The following CDCP1 variants were observed in gnomAD, a reference collection of about 807,000 sequenced individuals.
CDCP1 encodes CUB domain-containing protein 1.
CDCP1 carries 29 observed loss-of-function variants against 60.2 expected under a neutral mutation model. That is an observed-to-expected ratio of 0.48 (90% CI 0.36 to 0.66). The LOEUF (loss-of-function observed/expected upper bound fraction) is 0.66. Ranked by LOEUF, CDCP1 falls within the 30% of genes least tolerant of loss-of-function variation. CDCP1 has a pLI of 0.00. For missense variants in CDCP1, 876 were observed against 1,074.3 expected (o/e 0.82, Z 2.58); for synonymous variants, 387 against 431.1 (o/e 0.90, Z 1.27).
At chr3:45,103,006 A>G (rs1333996186) in intron 4 of CDCP1, among the ~76,000 whole-genome samples, 2 of 151,926 alleles carry the variant, frequency 1.3e-5, no homozygotes, top group Non-Finnish European at 2.9e-5. Flanking sequence ...AATAAAATAC[A>G]CAGATCTTAA....
In CDCP1 at chr3:45,142,483, T is replaced by C. The variant is rs573736010; in HGVS notation, c.82+3723A>G. Among the ~76,000 whole-genome samples the C allele has an allele frequency of 1.8e-4, 28 of 152,248 alleles. No individual in the cohort carries two copies. In the South Asian group the frequency reaches 5.8e-3, roughly 32 times the overall value. On this transcript the variant is annotated intron_variant, in intron 1 of 8. Transcript: ENST00000296129. Reference sequence around the variant, plus strand: ...CACTGTCCAGATTCTATTTGCCAAATTGGAGGGAGGAAAATGCTTCTTCCA... The same window carrying C: ...CACTGTCCAGATTCTATTTGCCAAACTGGAGGGAGGAAAATGCTTCTTCCA...
At chr3:45,131,122 C>T (rs1445300558) in intron 1 of CDCP1, among the ~76,000 whole-genome samples, 1 of 151,824 alleles carries the variant, frequency 6.6e-6, no homozygotes, top group Non-Finnish European at 1.5e-5. Context: ...TTAGCCTCCC[C>T]AAATGCTGGG....
At chr3:45,087,124 T>A (rs1165721298) in intron 8 of CDCP1, among the ~76,000 whole-genome samples, 8 of 152,234 alleles carry the variant, frequency 5.3e-5, no homozygotes, top group Non-Finnish European at 1.2e-4. Context: ...GCCTGTCTTT[T>A]CAGTCCCCCT....
intron 1 of CDCP1, among the ~76,000 whole-genome samples, chr3:45,126,477 A>C (rs1048640712): frequency 1.3e-5 from 2 of 152,084 alleles, no homozygotes; most frequent in African/African-American, 4.8e-5. Flanking sequence ...AGTGAGGCCT[A>C]AAGGCATAGA....
chr3:45,125,738 C>G (rs1342699406), intron 1 of CDCP1, among the ~76,000 whole-genome samples: 3 of 152,178 alleles, frequency 2.0e-5, no homozygotes, highest in Non-Finnish European at 4.4e-5. Flanking sequence ...ACTGAAGAGG[C>G]AAACCTTAAG....
At chr3:45,095,223 C>T (rs1233110358) in intron 5 of CDCP1, 124 bp downstream of exon 5, 9 of 845,636 alleles carry the variant, frequency 1.1e-5, no homozygotes, top group Admixed American at 2.3e-5. Context: ...CGTGAGCCAT[C>T]GTGCCCGGCC....
In CDCP1 at chr3:45,110,621, G is replaced by A. The variant is rs541313009; in HGVS notation, c.876C>T (p.Pro292=). The part of the protein sequence containing the change: ...EYYIPGSTTN[P]EVFKLEDKQP... ...GCTTGTCCTCCAGCTTGAACACCTC[G>A]GGGTTGGTGGTGGAGCCCGGGATGT... Residue 292 remains proline, a synonymous_variant, in exon 4 of 9, where the codon CCC becomes CCT. Coordinates refer to ENST00000296129, the MANE Select transcript of CDCP1 (RefSeq NM_022842.5). The A allele has an allele frequency of 5.3e-5, 85 of 1,614,198 alleles. No individual in the cohort carries two copies. The highest frequency in any genetic ancestry group is 6.6e-5 in the Non-Finnish European group (78 of 1,180,032).
At chr3:45,139,883 G>A (rs1172855823) in intron 1 of CDCP1, among the ~76,000 whole-genome samples, 2 of 152,176 alleles carry the variant, frequency 1.3e-5, no homozygotes, top group East Asian at 1.9e-4. Context: ...AAGAGATGCC[G>A]TGAGTCCTTC....
rs767848169 is a variant in CDCP1 at position 45,085,896 on chromosome 3, G to T, written c.2253C>A (p.Ser751Arg). Reference protein sequence around the residue: ...MVYGHLLQDSSGSFLQPEVDT... With the variant: ...MVYGHLLQDSRGSFLQPEVDT... ...CCACCTCTGGCTGCAGGAAGGAGCC[G>T]CTGGAATCCTGTAGCAGATGCCCAT... Residue 751 changes from serine (S) to arginine (R), a missense_variant, in exon 9 of 9, where the codon AGC becomes AGA. Ser to Arg is a moderately radical substitution (Grantham distance 110). This residue lies in a region of CDCP1 where 726 missense variants were observed against 935.7 expected (regional missense o/e 0.78). Coordinates refer to ENST00000296129, the MANE Select transcript of CDCP1 (RefSeq NM_022842.5). The surrounding 1 kb of genome is among the most constrained non-coding windows in gnomAD (Gnocchi z 4.2). The T allele has an allele frequency of 6.2e-7, 1 of 1,614,166 alleles. No individual in the cohort carries two copies. Among genetic ancestry groups the T allele is most frequent in the Admixed American group, 1.7e-5 (1 of 60,020 alleles).
At chr3:45,127,041 T>A (rs138090768) in intron 1 of CDCP1, among the ~76,000 whole-genome samples, 399 of 152,324 alleles carry the variant, frequency 2.6e-3, no homozygotes, top group African/African-American at 8.8e-3. Flanking sequence ...TTTCTGATGA[T>A]GGTGCGTTGT....
intron 1 of CDCP1, among the ~76,000 whole-genome samples, chr3:45,134,230 T>A (rs1699154704): frequency 6.6e-6 from 1 of 152,080 alleles, no homozygotes; most frequent in Non-Finnish European, 1.5e-5. Context: ...GTTCACATCA[T>A]TCTCCTGCCT....
Position 45,091,081 on chromosome 3 carries a change from T to G in CDCP1, c.1993+92A>C. 1 of 1,403,074 alleles carries G rather than the reference T, an allele frequency of 7.1e-7. No individual in the cohort carries two copies. The highest frequency in any genetic ancestry group is 9.7e-7 in the Non-Finnish European group (1 of 1,029,604). The allele number at this position is 1,403,074 out of a possible 1,614,324, so 86.9% of individuals were successfully genotyped here. Reference sequence around the variant, plus strand: ...ATACATGGACAGTCAGGACTCAATCTGTGATTCTGACTTGTCTCCAGGCTT... The same window carrying G: ...ATACATGGACAGTCAGGACTCAATCGGTGATTCTGACTTGTCTCCAGGCTT... On this transcript the variant is annotated intron_variant, in intron 7 of 8. Coordinates refer to ENST00000296129, the MANE Select transcript of CDCP1 (RefSeq NM_022842.5). The surrounding 1 kb of genome is among the most constrained non-coding windows in gnomAD (Gnocchi z 4.8).
chr3:45,126,227 C>T (rs201160499), intron 1 of CDCP1, among the ~76,000 whole-genome samples: 58 of 104,738 alleles, frequency 5.5e-4, no homozygotes, highest in Admixed American at 1.1e-3. Flanking sequence ...TCTTTCTTTC[C>T]TTCCTTTCTT....
At chr3:45,116,567 G>A (rs566141693) in intron 2 of CDCP1, among the ~76,000 whole-genome samples, 1 of 152,306 alleles carries the variant, frequency 6.6e-6, no homozygotes, top group African/African-American at 2.4e-5. Flanking sequence ...TAGCAGAGTT[G>A]AGGAGCTGTG....
At chr3:45,104,034 T>C (rs1352821306) in intron 4 of CDCP1, among the ~76,000 whole-genome samples, 1 of 152,258 alleles carries the variant, frequency 6.6e-6, no homozygotes, top group Non-Finnish European at 1.5e-5. Context: ...AGAGTTCTGT[T>C]GCCGTCCATT....
In CDCP1 at chr3:45,091,139, C is replaced by A. The variant is rs756988133; in HGVS notation, c.1993+34G>T. ...ATCCTCCAGCTGACAATTTTTTGTT[C>A]ATCACTGTCCCCAAAGACCCTGAAG... On this transcript the variant is annotated intron_variant, in intron 7 of 8. Coordinates refer to ENST00000296129, the MANE Select transcript of CDCP1 (RefSeq NM_022842.5). This position sits in a 1 kb window ranked among gnomAD's most constrained non-coding sequence, Gnocchi z 4.8. 6.3e-7 allele frequency: 1 copy of A among 1,576,684 alleles called. No individual in the cohort carries two copies. Among genetic ancestry groups the A allele is most frequent in the Non-Finnish European group, 8.6e-7 (1 of 1,159,962 alleles).
chr3:45,125,867 ATAGGCCC>A (rs1698972089), intron 1 of CDCP1, among the ~76,000 whole-genome samples: 1 of 152,206 alleles, frequency 6.6e-6, no homozygotes, highest in Admixed American at 6.5e-5. Context: ...TTGGCTATTA[ATAGGCCC>A]TTCTACATGT....
chr3:45,146,012 C>A (rs1430021122), intron 1 of CDCP1, among the ~76,000 whole-genome samples, 194 bp downstream of exon 1: 1 of 152,012 alleles, frequency 6.6e-6, no homozygotes, highest in Non-Finnish European at 1.5e-5. Context: ...ACGCGCCCGA[C>A]GCGGCGCGCG....
chr3:45,138,321 T>C (rs1275131203), intron 1 of CDCP1, among the ~76,000 whole-genome samples: 1 of 152,232 alleles, frequency 6.6e-6, no homozygotes, highest in East Asian at 1.9e-4. Flanking sequence ...TCGACTGCAC[T>C]GGGACAGTAA....
Sources: gnomAD v4.1 joint callset for allele counts (sites outside exome capture counted in the v4.1 genomes callset) on GRCh38, gnomAD v4.1.1 for gene constraint, gnomAD v4.1.1 regional missense constraint, Gnocchi (gnomAD v3.1) non-coding constraint, MANE v1.5 for transcripts, NCBI Gene and HGNC (gene_info 2026-07-23, HGNC 2026-07-21) for gene names.